Variants in AP2B1 observed in about 807,000 individuals in gnomAD.
The protein encoded by AP2B1 is AP-2 complex subunit beta.
AP2B1 carries 23 observed loss-of-function variants against 102.0 expected under a neutral mutation model. The observed-to-expected ratio is 0.23, with a 90% CI of 0.16 to 0.32. The LOEUF (loss-of-function observed/expected upper bound fraction) is 0.32. Ranked by LOEUF, AP2B1 falls within the 10% of genes least tolerant of loss-of-function variation. The pLI, the probability that AP2B1 is intolerant of heterozygous loss-of-function variation, is 1.00. For synonymous variants in AP2B1, 381 were observed against 421.2 expected (o/e 0.90, Z 1.17); for missense variants, 541 against 1,157.4 (o/e 0.47, Z 7.73).
chr17:35,659,101 T>C (rs1350086309), intron 14 of AP2B1, among the ~76,000 whole-genome samples: 1 of 152,244 alleles, frequency 6.6e-6, no homozygotes, highest in Non-Finnish European at 1.5e-5. Flanking sequence ...TCTACTTATA[T>C]TGCTGTATAG....
intron 9 of AP2B1, among the ~76,000 whole-genome samples, chr17:35,632,610 C>T (rs1163999098): frequency 2.0e-5 from 3 of 150,040 alleles, no homozygotes; most frequent in Non-Finnish European, 3.0e-5. Context: ...TTTGTATATA[C>T]AATGATGGGA....
At chr17:35,671,029 G>T in intron 15 of AP2B1, 131 bp downstream of exon 15, 3 of 885,666 alleles carry the variant, frequency 3.4e-6, no homozygotes, top group Non-Finnish European at 5.4e-6. Flanking sequence ...AACAGTATAT[G>T]GGTAGTAGAA....
At chr17:35,599,121 A>G (rs2073391150) in intron 3 of AP2B1, among the ~76,000 whole-genome samples, 1 of 152,250 alleles carries the variant, frequency 6.6e-6, no homozygotes, top group South Asian at 2.1e-4. Context: ...TTAAAACTTG[A>G]ACCTTTTTAA....
Position 35,662,322 on chromosome 17 carries a change from A to G in AP2B1, c.1989+4531A>G, listed in dbSNP as rs12103461. On this transcript the variant is annotated intron_variant, in intron 14 of 21. Transcript: ENST00000610402. ...GCATATTCTCTTTTGCTTGTACTCT[A>G]CAGGTAGTTTATTCCATCTGTCAGT... 1.8e-3 allele frequency among the ~76,000 whole-genome samples: 267 copies of G among 152,128 alleles called. 3 individuals are homozygous for G. The highest frequency in any genetic ancestry group is 6.2e-3 in the African/African-American group (256 of 41,484).
intron 5 of AP2B1, among the ~76,000 whole-genome samples, chr17:35,610,099 C>G (rs950412651): frequency 2.0e-5 from 3 of 151,994 alleles, no homozygotes; most frequent in Non-Finnish European, 4.4e-5. Flanking sequence ...AAGATTCAAC[C>G]CTGCCTTTTA....
intron 9 of AP2B1, among the ~76,000 whole-genome samples, chr17:35,634,853 A>G (rs2074560844): frequency 1.3e-5 from 2 of 152,194 alleles, no homozygotes; most frequent in Admixed American, 6.5e-5. Flanking sequence ...ATCTCCACTC[A>G]TCCATGAACT....
chr17:35,708,232 A>T (rs2076381989), intron 18 of AP2B1, among the ~76,000 whole-genome samples: 1 of 152,230 alleles, frequency 6.6e-6, no homozygotes. Context: ...ACTTGCTCAG[A>T]TAAATGTTTT....
chr17:35,711,266 G>A (rs775130185), intron 20 of AP2B1, among the ~76,000 whole-genome samples: 1 of 151,906 alleles, frequency 6.6e-6, no homozygotes, highest in Non-Finnish European at 1.5e-5. Context: ...GTGCTTGGTC[G>A]GTACCTCCTC....
intron 5 of AP2B1, among the ~76,000 whole-genome samples, chr17:35,620,003 C>G (rs1216137764): frequency 1.3e-5 from 2 of 152,106 alleles, no homozygotes; most frequent in Admixed American, 6.6e-5. Context: ...CCAGGCTGAT[C>G]CCAAGCTTCT....
At chr17:35,601,935 G>A (rs992184400) in intron 3 of AP2B1, among the ~76,000 whole-genome samples, 2 of 151,998 alleles carry the variant, frequency 1.3e-5, no homozygotes, top group East Asian at 3.9e-4. Context: ...GTGCCACCAC[G>A]CCCGGCTAAT....
At chr17:35,652,187 T>A (rs1248151496) in intron 13 of AP2B1, among the ~76,000 whole-genome samples, 4 of 152,252 alleles carry the variant, frequency 2.6e-5, no homozygotes, top group Non-Finnish European at 5.9e-5. Context: ...GTGGTTCCTT[T>A]TTGGATAACC....
chr17:35,720,573 A>ATATTTTT (rs1324333805), intron 21 of AP2B1, among the ~76,000 whole-genome samples: 2 of 28,068 alleles, frequency 7.1e-5, no homozygotes, highest in East Asian at 1.2e-3. Context: ...ATATATATAT[A>ATATTTTT]TTTTTTTTTT....
At chr17:35,651,070 C>A (rs1264609145) in intron 13 of AP2B1, 1 of 311,360 alleles carries the variant, frequency 3.2e-6, no homozygotes, top group East Asian at 6.1e-5. Flanking sequence ...GTGGTGAAGA[C>A]CTTCTAAATT....
rs2075594061 is a variant in AP2B1 at position 35,671,808 on chromosome 17, A to G, written c.2086A>G (p.Thr696Ala). 1.2e-6 allele frequency: 2 copies of G among 1,613,616 alleles called. No individual in the cohort carries two copies. The highest frequency in any genetic ancestry group is 1.1e-5 in the South Asian group (1 of 91,064). Reference protein sequence around the residue: ...SVPATFAPSPTPAVVSSGLND... With the variant: ...SVPATFAPSPAPAVVSSGLND... ...GCCTGCAACCTTTGCTCCTTCACCTACACCTGCTGTGGTCAGCAGTGGACT... is the reference window on the plus strand; with the variant it reads ...GCCTGCAACCTTTGCTCCTTCACCTGCACCTGCTGTGGTCAGCAGTGGACT... Residue 696 changes from threonine to alanine, a missense_variant, in exon 16 of 22, where the codon ACA becomes GCA. By Grantham distance (58) the Thr-to-Ala change is moderately conservative. Coordinates refer to ENST00000610402, the MANE Select transcript of AP2B1 (RefSeq NM_001030006.2).
At chr17:35,682,334 CTTTTTTTTTT>C (rs587645888) in intron 17 of AP2B1, among the ~76,000 whole-genome samples, 3 of 72,056 alleles carry the variant, frequency 4.2e-5, no homozygotes, top group African/African-American at 1.2e-4. Context: ...AATCCTGCCT[CTTTTTTTTTT>C]TTTTTTTTTT....
At chr17:35,665,483 C>T (rs2075446611) in intron 14 of AP2B1, among the ~76,000 whole-genome samples, 1 of 152,134 alleles carries the variant, frequency 6.6e-6, no homozygotes, top group African/African-American at 2.4e-5. Flanking sequence ...AAAAACCATA[C>T]TTTAACCTAC....
At chr17:35,626,015 G>A (rs936931127) in intron 6 of AP2B1, among the ~76,000 whole-genome samples, 1 of 152,050 alleles carries the variant, frequency 6.6e-6, no homozygotes, top group Non-Finnish European at 1.5e-5. Context: ...AGTGTAGGTG[G>A]CAGGGGCTAG....
chr17:35,631,312 C>T (rs1168692597), intron 9 of AP2B1, among the ~76,000 whole-genome samples: 2 of 151,842 alleles, frequency 1.3e-5, no homozygotes, highest in African/African-American at 4.8e-5. Flanking sequence ...TTCTTAAAGA[C>T]AAAAAACATA....
chr17:35,710,298 T>C lies in AP2B1; in HGVS notation c.2604T>C (p.Ile868=). 6.2e-7 allele frequency: 1 copy of C among 1,611,940 alleles called. No individual in the cohort carries two copies. The change falls in exon 20 of 22, where the codon ATT becomes ATC. Residue 868 remains isoleucine, a synonymous_variant. Transcript: ENST00000610402. ...IPNENELQFQ[I]KECHLNADTV... ...ATGAAAATGAACTTCAGTTTCAGAT[T>C]AAGGAATGTCATTTAAATGCTGGTG...
Sources: allele counts gnomAD v4.1 joint callset (sites outside exome capture counted in the v4.1 genomes callset), GRCh38; gene constraint gnomAD v4.1.1; transcripts MANE v1.5; gene names NCBI Gene and HGNC (gene_info 2026-07-23, HGNC 2026-07-21).